Variants in BTBD9 observed in about 807,000 individuals in gnomAD.
BTBD9 encodes the protein BTB/POZ domain-containing protein 9.
Under a neutral mutation model 64.3 loss-of-function variants are expected in BTBD9, and 49 were observed. The ratio of observed to expected loss-of-function variants is 0.76; its 90% CI spans 0.61 to 0.97. BTBD9 has a LOEUF of 0.97. Ranked by LOEUF, BTBD9 falls within the 50% of genes least tolerant of loss-of-function variation. BTBD9 has a pLI of 0.00. For missense variants in BTBD9, 598 were observed against 762.1 expected (o/e 0.78, Z 2.53); for synonymous variants, 260 against 274.7 (o/e 0.95, Z 0.53).
intron 6 of BTBD9, among the ~76,000 whole-genome samples, chr6:38,419,716 C>T (rs1433347619): frequency 1.3e-5 from 2 of 151,982 alleles, no homozygotes; most frequent in East Asian, 1.9e-4. Context: ...ACTAAAAATA[C>T]AAAATTAGCC....
chr6:38,343,115 T>C (rs16890577), intron 7 of BTBD9, among the ~76,000 whole-genome samples: 5,580 of 152,288 alleles, frequency 0.037, 182 homozygotes, highest in East Asian at 0.11. Context: ...GTCAAACTTG[T>C]GAGCACCATG....
At chr6:38,521,938 G>A (rs1773288847) in intron 6 of BTBD9, among the ~76,000 whole-genome samples, 1 of 152,086 alleles carries the variant, frequency 6.6e-6, no homozygotes, top group African/African-American at 2.4e-5. Flanking sequence ...GCCTCCCAAA[G>A]CGCTAGGGTT....
At chr6:38,541,615 G>A (rs1774281852) in intron 6 of BTBD9, among the ~76,000 whole-genome samples, 1 of 152,202 alleles carries the variant, frequency 6.6e-6, no homozygotes, top group African/African-American at 2.4e-5. Flanking sequence ...GCACGTGCCT[G>A]TAGTCCCAGG....
chr6:38,436,902 C>T (rs531564187), intron 6 of BTBD9, among the ~76,000 whole-genome samples: 10 of 152,302 alleles, frequency 6.6e-5, no homozygotes, highest in African/African-American at 2.2e-4. Flanking sequence ...TACAAGTCTA[C>T]AACGATGATG....
chr6:38,313,938 T>C (rs1762941754), intron 7 of BTBD9, among the ~76,000 whole-genome samples: 1 of 151,282 alleles, frequency 6.6e-6, no homozygotes, highest in African/African-American at 2.4e-5. Context: ...TTAGTAGAGA[T>C]GGGGTTTCAC....
intron 6 of BTBD9, among the ~76,000 whole-genome samples, chr6:38,534,475 C>CCAAA (rs371256719): frequency 4.2e-4 from 40 of 94,932 alleles, no homozygotes; most frequent in Admixed American, 2.1e-3. Flanking sequence ...TCAAACTGTT[C>CCAAA]AAAAAAAAAA....
At chr6:38,339,749 G>GT (rs1352318592) in intron 7 of BTBD9, among the ~76,000 whole-genome samples, 2 of 152,170 alleles carry the variant, frequency 1.3e-5, no homozygotes, top group Non-Finnish European at 1.5e-5. Context: ...TTGGAACAAT[G>GT]TAAGTATTTC....
intron 6 of BTBD9, among the ~76,000 whole-genome samples, chr6:38,359,652 C>T (rs1278702987): frequency 1.3e-5 from 2 of 152,192 alleles, no homozygotes; most frequent in Admixed American, 6.5e-5. Context: ...GCTCTCCCTT[C>T]CCTCTGGCCC....
intron 9 of BTBD9, among the ~76,000 whole-genome samples, chr6:38,234,305 A>G (rs1302935595): frequency 5.3e-5 from 8 of 152,214 alleles, no homozygotes; most frequent in African/African-American, 1.9e-4. Context: ...TGCAAAGAAT[A>G]TCTGAGGGTG....
intron 8 of BTBD9, among the ~76,000 whole-genome samples, chr6:38,273,659 G>C (rs1765270723): frequency 6.6e-6 from 1 of 152,166 alleles, no homozygotes; most frequent in East Asian, 1.9e-4. Context: ...TAAATATAGG[G>C]AGATCATTGC....
At chr6:38,178,747 G>T (rs552344009) in intron 10 of BTBD9, among the ~76,000 whole-genome samples, 5 of 151,856 alleles carry the variant, frequency 3.3e-5, no homozygotes, top group South Asian at 2.1e-4. Flanking sequence ...AGCAGGGTGT[G>T]GGGGGGAGGG....
intron 1 of BTBD9, among the ~76,000 whole-genome samples, chr6:38,604,832 A>T (rs944154444): frequency 2.0e-5 from 3 of 152,078 alleles, no homozygotes. Context: ...AAACCACAGG[A>T]ATTTGGAAAG....
intron 9 of BTBD9, among the ~76,000 whole-genome samples, chr6:38,210,696 G>A (rs941595453): frequency 2.0e-5 from 3 of 152,074 alleles, no homozygotes; most frequent in South Asian, 4.2e-4. Context: ...TAATGGTTTC[G>A]CTCCCAAATT....
At chr6:38,466,448 C>T (rs925524084) in intron 6 of BTBD9, among the ~76,000 whole-genome samples, 4 of 151,918 alleles carry the variant, frequency 2.6e-5, no homozygotes, top group African/African-American at 7.3e-5. Context: ...TGTATCACTA[C>T]GCCTGACTAA....
chr6:38,272,725 C>T (rs909862520), intron 8 of BTBD9, among the ~76,000 whole-genome samples: 2 of 152,134 alleles, frequency 1.3e-5, no homozygotes, highest in African/African-American at 4.8e-5. Context: ...AATTCTCAAA[C>T]AATTCTTTAT....
intron 4 of BTBD9, among the ~76,000 whole-genome samples, chr6:38,590,844 T>A (rs570370409): frequency 9.9e-5 from 15 of 152,224 alleles, no homozygotes; most frequent in African/African-American, 3.6e-4. Flanking sequence ...CTTCTTAGAT[T>A]TGATAACAAA....
At chr6:38,411,730 G>A (rs75440179) in intron 6 of BTBD9, among the ~76,000 whole-genome samples, 1,618 of 152,192 alleles carry the variant, frequency 0.011, 33 homozygotes, top group African/African-American at 0.037. Context: ...GAGCTGAGGA[G>A]TTTGAGACCA....
rs1768111711 is a variant in BTBD9 at position 38,425,685 on chromosome 6, C to A, written c.1155-80592G>T. On this transcript the variant is annotated intron_variant, in intron 6 of 10. Transcript: ENST00000481247. The stretch of plus-strand genomic sequence containing the variant: ...CTTTGGGAGGCTGAGGTGGGTCCTC[C>A]TCACTTGAGCACAGGAGTTTGAGAT... Among the ~76,000 whole-genome samples the A allele has an allele frequency of 1.3e-5, 2 of 151,200 alleles. 1 individual carries two copies. The highest frequency in any genetic ancestry group is 4.9e-5 in the African/African-American group (2 of 40,818).
rs1766691650 is a variant in BTBD9, at chr6:38,170,039, T to A, written c.*4946A>T. The A allele has an allele frequency of 6.6e-6, 1 of 152,182 alleles. No homozygotes were observed. The highest frequency in any genetic ancestry group is 1.5e-5 in the Non-Finnish European group (1 of 68,078). The allele number at this position is 152,182 out of a possible 1,614,324, so 9.4% of individuals were successfully genotyped here. A position where few individuals can be genotyped will look rare whatever the true frequency, so the allele number is the denominator to read the frequency against. ...TTGGAGGCTGGGCCAGGGAGCACCG[T>A]GACCAGTGGTGGTCACAGAGGACGT... On this transcript the variant is annotated 3_prime_UTR_variant, in exon 11 of 11. Transcript: ENST00000481247.
Sources: allele counts gnomAD v4.1 joint callset (sites outside exome capture counted in the v4.1 genomes callset), GRCh38; gene constraint gnomAD v4.1.1; transcripts MANE v1.5; gene names NCBI Gene and HGNC (gene_info 2026-07-23, HGNC 2026-07-21).